The following PLSCR1 variants were observed in gnomAD, a reference collection of about 807,000 sequenced individuals.
The protein encoded by PLSCR1 is phospholipid scramblase 1.
In PLSCR1, 17 loss-of-function variants were observed where a neutral mutation model predicts 37.8. That is an observed-to-expected ratio of 0.45 (90% confidence interval 0.31 to 0.68). The LOEUF (loss-of-function observed/expected upper bound fraction) is 0.68, where lower values mean the gene tolerates loss of function less well. Among genes scored for constraint, PLSCR1 ranks in the 30% least tolerant of loss-of-function variants. The probability of loss-of-function intolerance (pLI) is 0.06; values close to 1 mark genes in which losing one functional copy is unlikely to be tolerated. For missense variants in PLSCR1, 347 were observed against 380.9 expected, an observed-to-expected ratio of 0.91 and a Z score of 0.74; for synonymous variants, 116 against 125.9, an observed-to-expected ratio of 0.92 and a Z score of 0.53.
chr3:146,528,232 C>G (rs1332668995), intron 4 of PLSCR1: 1 of 189,742 alleles, frequency 5.3e-6, no homozygotes, highest in Admixed American at 5.7e-5. Flanking sequence ...GTTCTCACCC[C>G]AGAGTGAGCT....
At chr3:146,534,027 T>TA (rs137903430) in intron 2 of PLSCR1, among the ~76,000 whole-genome samples, 8,516 of 152,256 alleles carry the variant, frequency 0.056, 310 homozygotes, top group Middle Eastern at 0.082. Context: ...ATGTTATGCT[T>TA]ACTCTGGAAC....
At chr3:146,537,885 T>A (rs931865083) in intron 1 of PLSCR1, 1 of 152,026 alleles carries the variant, frequency 6.6e-6, no homozygotes, top group Admixed American at 6.6e-5. Flanking sequence ...AAAGGGTTTT[T>A]TTTGTTTGTT....
chr3:146,543,079 G>A (rs2044357321), intron 1 of PLSCR1, among the ~76,000 whole-genome samples: 1 of 152,114 alleles, frequency 6.6e-6, no homozygotes, highest in African/African-American at 2.4e-5. Context: ...TATGGTGGGT[G>A]GGGTGTTGGA....
At chr3:146,541,380 T>C (rs1008684495) in intron 1 of PLSCR1, among the ~76,000 whole-genome samples, 6 of 152,196 alleles carry the variant, frequency 3.9e-5, no homozygotes, top group Admixed American at 3.9e-4. Flanking sequence ...CTCATTTGAT[T>C]GCTTTACTAC....
chr3:146,525,629 G>T lies in PLSCR1; in HGVS notation c.331C>A (p.His111Asn), dbSNP rs946545991. Reference sequence around the variant, plus strand: ...CCTTCCAGAAGTTCAATTTGCTGATGAATCAGTATCTGATCTATCTATAGC... The same window carrying T: ...CCTTCCAGAAGTTCAATTTGCTGATTAATCAGTATCTGATCTATCTATAGC... ...YLSQIDQILI[H>N]QQIELLEVLT... Residue 111 changes from histidine (H) to asparagine (N), a missense_variant, in exon 5 of 9, where the codon CAT becomes AAT. Coordinates refer to ENST00000342435, the MANE Select transcript of PLSCR1 (RefSeq NM_021105.3). 2.6e-6 allele frequency: 4 copies of T among 1,514,728 alleles called. No individual in the cohort carries two copies. Among genetic ancestry groups the T allele is most frequent in the Admixed American group, 3.5e-5 (2 of 57,798 alleles). The allele number at this position is 1,514,728 out of a possible 1,614,324, so 93.8% of individuals were successfully genotyped here.
At chr3:146,524,195 CA>C (rs1560082881) in intron 5 of PLSCR1, among the ~76,000 whole-genome samples, 1 of 152,072 alleles carries the variant, frequency 6.6e-6, no homozygotes, top group South Asian at 2.1e-4. Context: ...AGCTTAATCT[CA>C]AAAATCTCCA....
At chr3:146,524,386 C>A (rs2044075532) in intron 5 of PLSCR1, among the ~76,000 whole-genome samples, 1 of 151,034 alleles carries the variant, frequency 6.6e-6, no homozygotes, top group South Asian at 2.1e-4. Context: ...CTTTTTTATA[C>A]CACTCATGAA....
intron 7 of PLSCR1, among the ~76,000 whole-genome samples, chr3:146,520,636 C>T (rs910141993): frequency 4.6e-5 from 7 of 152,042 alleles, no homozygotes; most frequent in East Asian, 1.9e-4. Flanking sequence ...TAAAGTCTGA[C>T]GGAGGAATAA....
intron 4 of PLSCR1, among the ~76,000 whole-genome samples, chr3:146,527,189 G>T (rs1318988904): frequency 6.6e-6 from 1 of 152,102 alleles, no homozygotes; most frequent in Admixed American, 6.5e-5. Context: ...GAAGGGTAGG[G>T]AGGAGAGGTA....
chr3:146,527,269 C>A (rs555310588), intron 4 of PLSCR1, among the ~76,000 whole-genome samples: 1 of 152,086 alleles, frequency 6.6e-6, no homozygotes, highest in Non-Finnish European at 1.5e-5. Context: ...TGTTCTATAG[C>A]TATGTAGGCT....
chr3:146,536,818 A>G, intron 1 of PLSCR1: 1 of 367,098 alleles, frequency 2.7e-6, no homozygotes, highest in Non-Finnish European at 5.1e-6. Flanking sequence ...TTTTGGGAAG[A>G]GGGTCCAGTG....
At chr3:146,532,368 A>T (rs2044210624) in intron 3 of PLSCR1, among the ~76,000 whole-genome samples, 1 of 152,196 alleles carries the variant, frequency 6.6e-6, no homozygotes, top group Non-Finnish European at 1.5e-5. Flanking sequence ...GGGGTGTTAA[A>T]AGATTACTAT....
chr3:146,523,710 G>GGATTAGCC (rs2044065790), intron 5 of PLSCR1, among the ~76,000 whole-genome samples: 1 of 152,160 alleles, frequency 6.6e-6, no homozygotes, highest in Admixed American at 6.5e-5. Context: ...AGTGAACTCT[G>GGATTAGCC]CACCTTTGCT....
chr3:146,534,825 G>A (rs1239447100), intron 2 of PLSCR1, among the ~76,000 whole-genome samples: 3 of 152,048 alleles, frequency 2.0e-5, no homozygotes, highest in Non-Finnish European at 1.5e-5. Context: ...GCAGTGAGCC[G>A]AGATCGTGCC....
In PLSCR1 at chr3:146,527,587, A is replaced by C. The variant is rs185395492; in HGVS notation, c.312+1027T>G. 2.0e-5 allele frequency among the ~76,000 whole-genome samples: 3 copies of C among 152,338 alleles called. No homozygotes were observed. In the East Asian group the frequency reaches 5.8e-4, roughly 29 times the overall value. On this transcript the variant is annotated intron_variant, in intron 4 of 8. Transcript: ENST00000342435. ...TTTTTACAAGTTTCAGATTTGTATT[A>C]AGCATACTTAATATCAACCTTTGTC... is the stretch of plus-strand genomic sequence containing the variant.
intron 2 of PLSCR1, among the ~76,000 whole-genome samples, chr3:146,534,878 A>C (rs2044246061): frequency 6.6e-6 from 1 of 151,874 alleles, no homozygotes; most frequent in Non-Finnish European, 1.5e-5. Context: ...TCCATCTCAA[A>C]TAAATAAATA....
intron 1 of PLSCR1, among the ~76,000 whole-genome samples, chr3:146,539,703 A>C (rs547771292): frequency 6.6e-6 from 1 of 152,352 alleles, no homozygotes; most frequent in South Asian, 2.1e-4. Context: ...TTAAAAGATA[A>C]GTTAGTGAGG....
At chr3:146,534,730 G>C (rs2044243632) in intron 2 of PLSCR1, among the ~76,000 whole-genome samples, 1 of 152,040 alleles carries the variant, frequency 6.6e-6, no homozygotes, top group African/African-American at 2.4e-5. Flanking sequence ...ACAAAAATTA[G>C]CCAGGCATGG....
chr3:146,524,566 G>T, intron 5 of PLSCR1, among the ~76,000 whole-genome samples: 1 of 151,778 alleles, frequency 6.6e-6, no homozygotes, highest in South Asian at 2.1e-4. Flanking sequence ...TACAAAAAAA[G>T]ATAAATAGTG....
Sources: gnomAD v4.1 joint callset for allele counts (sites outside exome capture counted in the v4.1 genomes callset) on GRCh38, gnomAD v4.1.1 for gene constraint, MANE v1.5 for transcripts, NCBI Gene and HGNC (gene_info 2026-07-23, HGNC 2026-07-21) for gene names.